DLG2: variants seen among roughly 807,000 people sequenced by gnomAD.
The protein encoded by DLG2 is disks large homolog 2.
DLG2 carries 45 observed loss-of-function variants against 132.5 expected under a neutral mutation model. The observed-to-expected ratio is 0.34, with a 90% CI of 0.27 to 0.44. The LOEUF is 0.44. DLG2 is among the 20% of genes least tolerant of loss of function. The probability of loss-of-function intolerance (pLI) is 1.00; values close to 1 mark genes in which losing one functional copy is unlikely to be tolerated. For missense variants in DLG2, 1,045 were observed against 1,196.9 expected (o/e 0.87, Z 1.87); for synonymous variants, 424 against 419.6 (o/e 1.01, Z -0.13).
intron 6 of DLG2, among the ~76,000 whole-genome samples, chr11:84,723,995 G>A (rs555881630): frequency 6.6e-6 from 1 of 152,152 alleles, no homozygotes; most frequent in Admixed American, 6.5e-5. Flanking sequence ...ATCAGAAACT[G>A]GGACACAGTA....
At chr11:84,721,905 C>G (rs896945452) in intron 6 of DLG2, among the ~76,000 whole-genome samples, 2 of 152,192 alleles carry the variant, frequency 1.3e-5, no homozygotes, top group South Asian at 2.1e-4. Flanking sequence ...TGGTAAGCCC[C>G]AGTACATGGT....
chr11:84,609,306 T>G (rs2099591227), intron 6 of DLG2, among the ~76,000 whole-genome samples: 1 of 152,144 alleles, frequency 6.6e-6, no homozygotes, highest in Admixed American at 6.5e-5. Flanking sequence ...TTTGGAGGAC[T>G]AAATGAGTTA....
chr11:83,931,814 G>C (rs909266765), intron 14 of DLG2, among the ~76,000 whole-genome samples: 1 of 152,222 alleles, frequency 6.6e-6, no homozygotes, highest in Non-Finnish European at 1.5e-5. Flanking sequence ...TTTAGAAGAA[G>C]GCTCTTATTT....
At chr11:83,872,526 G>C (rs901934588) in intron 16 of DLG2, among the ~76,000 whole-genome samples, 3 of 151,946 alleles carry the variant, frequency 2.0e-5, no homozygotes, top group Non-Finnish European at 4.4e-5. Context: ...TTTTGTAAAA[G>C]GAGTCACTCT....
intron 6 of DLG2, among the ~76,000 whole-genome samples, chr11:84,977,272 C>A (rs906270929): frequency 6.6e-6 from 1 of 152,108 alleles, no homozygotes; most frequent in Non-Finnish European, 1.5e-5. Context: ...CTTTCTCTTT[C>A]TATCTCTTTT....
chr11:84,904,674 C>A (rs372123131), intron 6 of DLG2, among the ~76,000 whole-genome samples: 4 of 152,046 alleles, frequency 2.6e-5, no homozygotes, highest in South Asian at 2.1e-4. Flanking sequence ...GATAATAAAC[C>A]AATCTTAAAT....
chr11:83,945,499 G>A (rs549064607), intron 14 of DLG2, among the ~76,000 whole-genome samples: 11 of 152,146 alleles, frequency 7.2e-5, no homozygotes, highest in Non-Finnish European at 1.6e-4. Context: ...CTAAACTGTT[G>A]ATGCTCAGGG....
chr11:83,611,802 G>C (rs2060153008), intron 19 of DLG2, among the ~76,000 whole-genome samples: 1 of 152,212 alleles, frequency 6.6e-6, no homozygotes, highest in Non-Finnish European at 1.5e-5. Context: ...AGGGGACACT[G>C]AGGGCTTGTT....
rs55805802 is a variant in DLG2 at position 83,683,447 on chromosome 11, T to G, written c.1826-50122A>C. 6.3e-3 allele frequency among the ~76,000 whole-genome samples: 956 copies of G among 152,268 alleles called. 6 individuals are homozygous for G. Among genetic ancestry groups the G allele is most frequent in the African/African-American group, 0.022 (908 of 41,544 alleles). On this transcript the variant is annotated intron_variant, in intron 18 of 27. Coordinates refer to ENST00000376104, the MANE Select transcript of DLG2 (RefSeq NM_001142699.3). Reference sequence around the variant, plus strand: ...CTCATATATATTATCTGGCCCCAAGTAGTGTTTTACACTAAACTGCTAGAG... The same window carrying G: ...CTCATATATATTATCTGGCCCCAAGGAGTGTTTTACACTAAACTGCTAGAG...
intron 6 of DLG2, among the ~76,000 whole-genome samples, chr11:84,675,928 G>A (rs1369310848): frequency 6.6e-6 from 1 of 151,998 alleles, no homozygotes; most frequent in Non-Finnish European, 1.5e-5. Context: ...CTGGATATGT[G>A]TGCCTCCTCT....
At chr11:84,136,111 C>A (rs867696090) in intron 9 of DLG2, among the ~76,000 whole-genome samples, 12 of 152,242 alleles carry the variant, frequency 7.9e-5, no homozygotes, top group Middle Eastern at 3.4e-3. Flanking sequence ...TCTAGATATC[C>A]ACAGTTGCAT....
intron 6 of DLG2, among the ~76,000 whole-genome samples, chr11:84,863,940 A>G (rs1010915332): frequency 6.6e-6 from 1 of 152,198 alleles, no homozygotes; most frequent in Non-Finnish European, 1.5e-5. Flanking sequence ...TTTTAAAAAA[A>G]TACTGCTGGT....
chr11:83,545,650 C>T (rs1477035870), intron 19 of DLG2, among the ~76,000 whole-genome samples: 5 of 152,086 alleles, frequency 3.3e-5, no homozygotes, highest in Admixed American at 2.0e-4. Context: ...GACATTCACT[C>T]GCCTGTGTTC....
At chr11:84,320,478 T>C (rs2098398388) in intron 7 of DLG2, among the ~76,000 whole-genome samples, 1 of 152,186 alleles carries the variant, frequency 6.6e-6, no homozygotes, top group East Asian at 1.9e-4. Flanking sequence ...CATAAAATGC[T>C]TTGAAAAGTG....
chr11:84,896,111 G>C (rs1001228102), intron 6 of DLG2, among the ~76,000 whole-genome samples: 1 of 152,122 alleles, frequency 6.6e-6, no homozygotes, highest in African/African-American at 2.4e-5. Context: ...AATATTAACT[G>C]TGAAATATTG....
chr11:85,546,646 A>G (rs2076344359), intron 3 of DLG2, among the ~76,000 whole-genome samples: 1 of 152,042 alleles, frequency 6.6e-6, no homozygotes, highest in Non-Finnish European at 1.5e-5. Context: ...GTGTGTCTCT[A>G]AGAACTTGTT....
At chr11:83,499,253 AAAG>A (rs1485623799) in intron 21 of DLG2, among the ~76,000 whole-genome samples, 6 of 152,182 alleles carry the variant, frequency 3.9e-5, no homozygotes, top group Non-Finnish European at 7.4e-5. Flanking sequence ...TATCACGAGA[AAAG>A]AAGACTACAA....
At chr11:85,216,727 C>T (rs1312290808) in intron 4 of DLG2, among the ~76,000 whole-genome samples, 1 of 151,888 alleles carries the variant, frequency 6.6e-6, no homozygotes, top group Admixed American at 6.6e-5. Context: ...GACAGAGTCT[C>T]ACTCTGTCAC....
At chr11:84,435,977 A>C (rs1023096614) in intron 7 of DLG2, among the ~76,000 whole-genome samples, 6 of 152,130 alleles carry the variant, frequency 3.9e-5, no homozygotes, top group Non-Finnish European at 8.8e-5. Flanking sequence ...GGAAGAAAGG[A>C]CTTTTCTAAA....
Sources: allele counts gnomAD v4.1 joint callset (sites outside exome capture counted in the v4.1 genomes callset), GRCh38; gene constraint gnomAD v4.1.1; transcripts MANE v1.5; gene names NCBI Gene and HGNC (gene_info 2026-07-23, HGNC 2026-07-21).